The following DMD variants were observed in gnomAD, a reference collection of about 807,000 sequenced individuals.
DMD encodes the protein mutant dystrophin.
DMD carries 63 observed loss-of-function variants against 330.1 expected under a neutral mutation model. The ratio of observed to expected loss-of-function variants is 0.19; its 90% confidence interval spans 0.16 to 0.24. DMD has a LOEUF of 0.24. Ranked by LOEUF, DMD falls within the 10% of genes least tolerant of loss-of-function variation. The probability of loss-of-function intolerance (pLI) is 1.00; values close to 1 mark genes in which losing one functional copy is unlikely to be tolerated. For synonymous variants in DMD, 1,223 were observed against 959.8 expected (o/e 1.27, Z -5.07); for missense variants, 3,344 against 2,684.1 (o/e 1.25, Z -5.43).
chrX:31,642,868 C>T (rs1031137953), intron 54 of DMD, among the ~76,000 whole-genome samples: 1 of 111,982 alleles, frequency 8.9e-6, no homozygotes, highest in African/African-American at 3.2e-5. Context: ...GATGGGACAG[C>T]ACATCTAGGA....
chrX:33,119,885 G>T (rs759958388), intron 1 of DMD, among the ~76,000 whole-genome samples: 33 of 111,639 alleles, frequency 3.0e-4, no homozygotes, highest in African/African-American at 8.8e-4. Context: ...GCTGTTCCAT[G>T]AGCCTTTTCT....
intron 59 of DMD, among the ~76,000 whole-genome samples, chrX:31,461,731 G>T (rs2066539835): frequency 9.0e-6 from 1 of 111,339 alleles, no homozygotes; most frequent in Non-Finnish European, 1.9e-5. Context: ...AAGAATTACT[G>T]TACATGCAAA....
At chrX:31,761,130 C>T (rs2089551720) in intron 51 of DMD, among the ~76,000 whole-genome samples, 1 of 110,082 alleles carries the variant, frequency 9.1e-6, no homozygotes, top group Admixed American at 9.8e-5. Context: ...CGTGATCCGC[C>T]CGCCTCATCC....
chrX:32,215,850 G>C (rs142829932), intron 44 of DMD, among the ~76,000 whole-genome samples: 1 of 111,764 alleles, frequency 8.9e-6, no homozygotes, highest in Non-Finnish European at 1.9e-5. Flanking sequence ...TGGTGTGCAT[G>C]CAAGTTTGAT....
At chrX:32,426,676 C>G (rs754105389) in intron 29 of DMD, among the ~76,000 whole-genome samples, 1 of 111,609 alleles carries the variant, frequency 9.0e-6, no homozygotes, top group South Asian at 3.8e-4. Context: ...CATTGCAACA[C>G]TATTCACAAT....
chrX:32,562,416 T>C (rs1022195309), intron 16 of DMD, among the ~76,000 whole-genome samples: 4 of 112,595 alleles, frequency 3.6e-5, no homozygotes, highest in African/African-American at 6.5e-5. Flanking sequence ...AGCTCTGACC[T>C]GAACAGCAAT....
At chrX:32,457,836 C>A (rs928300208) in intron 25 of DMD, among the ~76,000 whole-genome samples, 1 of 109,776 alleles carries the variant, frequency 9.1e-6, no homozygotes. Flanking sequence ...AAGACATCCA[C>A]GTAACCTCTA....
Position 32,094,877 on chromosome X carries a change from T to C in DMD, c.6438+122039A>G, listed in dbSNP as rs1302810567. ...AAATACCAAATGAGCTGTATAGGACTTTCAGGAAATGATGGTTTTTGAGAG... is the reference window on the plus strand; with the variant it reads ...AAATACCAAATGAGCTGTATAGGACCTTCAGGAAATGATGGTTTTTGAGAG... On this transcript the variant is annotated intron_variant, in intron 44 of 78. Transcript: ENST00000357033. Among the ~76,000 whole-genome samples, 4 of 111,623 alleles carry C rather than the reference T, an allele frequency of 3.6e-5. No individual in the cohort carries two copies. The East Asian group carries it at 1.1e-3, about 32-fold the overall frequency.
At chrX:31,482,236 TGG>T (rs112500192) in intron 57 of DMD, among the ~76,000 whole-genome samples, 1 of 84,935 alleles carries the variant, frequency 1.2e-5, no homozygotes, top group Non-Finnish European at 2.3e-5. Context: ...TGTGTGTGTG[TGG>T]GGGGGGTGTT....
At chrX:32,989,502 A>G (rs1277386451) in intron 2 of DMD, among the ~76,000 whole-genome samples, 2 of 111,990 alleles carry the variant, frequency 1.8e-5, no homozygotes, top group East Asian at 5.6e-4. Flanking sequence ...CAGAAGCATA[A>G]TTCCTGCAGT....
At chrX:33,060,514 T>G (rs1329884329) in intron 1 of DMD, among the ~76,000 whole-genome samples, 2 of 111,440 alleles carry the variant, frequency 1.8e-5, no homozygotes, top group African/African-American at 6.5e-5. Context: ...CCCCAGTAAT[T>G]CATTTATGAA....
chrX:33,316,606 A>G lies in DMD; in HGVS notation c.7+22653T>C, dbSNP rs146992135. 4.4e-3 allele frequency among the ~76,000 whole-genome samples: 490 copies of G among 111,182 alleles called. 2 individuals are homozygous for G. Among genetic ancestry groups the G allele is most frequent in the African/African-American group, 0.015 (474 of 30,683 alleles). On this transcript the variant is annotated intron_variant, in intron 1 of 17. Coordinates refer to the DMD transcript ENST00000288447. ...GTTTCCTTCATTGAATTGCTTTTAC[A>G]CCTTTGCAAAGAATCAGTTTGGCAT...
chrX:32,196,478 T>C (rs1402772343), intron 44 of DMD, among the ~76,000 whole-genome samples: 1 of 112,101 alleles, frequency 8.9e-6, no homozygotes, highest in Non-Finnish European at 1.9e-5. Flanking sequence ...CAAATGGATA[T>C]ACCATGGAAA....
intron 1 of DMD, among the ~76,000 whole-genome samples, chrX:33,043,509 T>C (rs1053015755): frequency 9.0e-6 from 1 of 110,668 alleles, no homozygotes; most frequent in Non-Finnish European, 1.9e-5. Flanking sequence ...GAATGATCTA[T>C]TTTCTGCCCT....
chrX:33,126,605 C>G (rs1276470919), intron 1 of DMD, among the ~76,000 whole-genome samples: 1 of 111,716 alleles, frequency 9.0e-6, no homozygotes, highest in Non-Finnish European at 1.9e-5. Context: ...TGGGGCTTTG[C>G]GGAGAACAAT....
intron 60 of DMD, among the ~76,000 whole-genome samples, chrX:31,386,563 T>A (rs1257716631): frequency 9.0e-6 from 1 of 111,573 alleles, no homozygotes; most frequent in Non-Finnish European, 1.9e-5. Context: ...GGGAGGGAGG[T>A]CTAACTCTGC....
chrX:31,164,841 G>A (rs2039247091), intron 74 of DMD, among the ~76,000 whole-genome samples: 1 of 110,953 alleles, frequency 9.0e-6, no homozygotes, highest in African/African-American at 3.3e-5. Context: ...CACCCTTCCC[G>A]ACCTGCCCTT....
intron 52 of DMD, among the ~76,000 whole-genome samples, chrX:31,716,515 C>T: frequency 9.0e-6 from 1 of 111,158 alleles, no homozygotes; most frequent in East Asian, 2.8e-4. Flanking sequence ...CGCACCATTG[C>T]ACTCCAGCCT....
chrX:32,134,594 G>T (rs1254111065), intron 44 of DMD, among the ~76,000 whole-genome samples: 1 of 111,206 alleles, frequency 9.0e-6, no homozygotes, highest in Admixed American at 9.6e-5. Context: ...CTAAAAAAAA[G>T]ATAAAATAAA....
Sources: gnomAD v4.1 joint callset for allele counts (sites outside exome capture counted in the v4.1 genomes callset) on GRCh38, gnomAD v4.1.1 for gene constraint, MANE v1.5 for transcripts, NCBI Gene and HGNC (gene_info 2026-07-23, HGNC 2026-07-21) for gene names.